Variants in FTH1 observed in about 807,000 individuals in gnomAD.
FTH1 encodes the protein ferritin heavy chain 1.
A neutral mutation model predicts 21.8 loss-of-function variants in FTH1; 3 were observed. The ratio of observed to expected loss-of-function variants is 0.14; its 90% CI spans 0.06 to 0.36. The LOEUF is 0.36. FTH1 is among the 10% of genes least tolerant of loss of function. FTH1 has a pLI of 1.00. For missense variants in FTH1, 147 were observed against 225.8 expected (o/e 0.65, Z 2.24); for synonymous variants, 83 against 90.1 (o/e 0.92, Z 0.45).
intron 2 of FTH1, 92 bp from the exon 3 acceptor site, chr11:61,965,204 A>G: frequency 6.3e-7 from 1 of 1,593,666 alleles, no homozygotes; most frequent in East Asian, 2.2e-5. Context: ...CAAAAGGGAC[A>G]TTACTATTTG....
At chr11:61,967,153 C>A in intron 1 of FTH1, 159 bp downstream of exon 1, 1 of 446,708 alleles carries the variant, frequency 2.2e-6, no homozygotes, top group Non-Finnish European at 3.9e-6. Flanking sequence ...CGACTTTCTG[C>A]GCCAGAGAAG....
rs1254759405 is a variant in FTH1, at chr11:61,964,671, A to G, written c.*56T>C. ...GTAAAGGAAACCCCAACATGCATGCACTGCCTTGGTGACCAGGGAAGTCAC... is the reference window on the plus strand; with the variant it reads ...GTAAAGGAAACCCCAACATGCATGCGCTGCCTTGGTGACCAGGGAAGTCAC... On this transcript the variant is annotated 3_prime_UTR_variant, in exon 4 of 4. Transcript: ENST00000273550. 1.9e-6 allele frequency: 3 copies of G among 1,572,130 alleles called. No individual in the cohort carries two copies. Among genetic ancestry groups the G allele is most frequent in the African/African-American group, 1.3e-5 (1 of 74,416 alleles).
rs1402047997 is a variant in FTH1 at position 61,967,329 on chromosome 11, A to G, written c.97T>C (p.Tyr33His). The G allele has an allele frequency of 6.2e-7, 1 of 1,602,996 alleles. No homozygotes were observed. The highest frequency in any genetic ancestry group is 1.3e-5 in the African/African-American group (1 of 74,460). The change falls in exon 1 of 4, where the codon TAC (tyrosine) becomes CAC (histidine). Residue 33 changes from tyrosine (Y) to histidine (H), a missense_variant. Transcript: ENST00000273550. ...RQINLELYAS[Y>H]VYLSMSYYFD... ...GCGCTCACCATGGACAGGTAAACGT[A>G]GGAGGCGTAGAGCTCCAGGTTGATC...
rs1436670021 is a variant in FTH1, at chr11:61,964,381, C to G, written c.*346G>C. The G allele has an allele frequency of 1.4e-6, 1 of 708,772 alleles. No individual in the cohort carries two copies. Among genetic ancestry groups the G allele is most frequent in the East Asian group, 2.7e-5 (1 of 36,674 alleles). The allele number at this position is 708,772 out of a possible 1,614,324, so 43.9% of individuals were successfully genotyped here. On this transcript the variant is annotated 3_prime_UTR_variant, in exon 4 of 4. Transcript: ENST00000273550. Reference sequence around the variant, plus strand: ...GACTCTGGATTCAGAGTCGGGAACCCTTAGTTCTATCTGAATCCAAGACAG... The same window carrying G: ...GACTCTGGATTCAGAGTCGGGAACCGTTAGTTCTATCTGAATCCAAGACAG...
intron 1 of FTH1, chr11:61,967,064 A>T (rs955867858): frequency 9.8e-6 from 3 of 307,156 alleles, no homozygotes; most frequent in Middle Eastern, 9.0e-4. Flanking sequence ...AGGTCTCCTT[A>T]AAAAAGAAGG....
chr11:61,965,655 A>G (rs1942438388), intron 1 of FTH1, 140 bp from the exon 2 acceptor site: 1 of 862,350 alleles, frequency 1.2e-6, no homozygotes, highest in Admixed American at 1.9e-5. Context: ...GTGCCTAAGG[A>G]GACTGGGGGG....
At chr11:61,965,799 A>C (rs1469388790) in intron 1 of FTH1, among the ~76,000 whole-genome samples, 1 of 152,154 alleles carries the variant, frequency 6.6e-6, no homozygotes, top group Admixed American at 6.5e-5. Flanking sequence ...TGTCTTAAGG[A>C]TCTGTATTAC....
chr11:61,965,447 A>C lies in FTH1; in HGVS notation c.183T>G (p.His61Gln). The part of the protein sequence containing the change: ...NFAKYFLHQS[H>Q]EEREHAEKLM... ...GTTTCTCAGCATGTTCCCTCTCCTC[A>C]TGAGATTGGTGAAGAAAGTATTTGG... The change falls in exon 2 of 4, where the codon CAT becomes CAG. Residue 61 changes from histidine to glutamine, a missense_variant. Transcript: ENST00000273550. 4 of 1,612,090 alleles carry C rather than the reference A, an allele frequency of 2.5e-6. No homozygotes were observed. The highest frequency in any genetic ancestry group is 3.4e-6 in the Non-Finnish European group (4 of 1,180,000).
chr11:61,967,037 A>G (rs1332207820), intron 1 of FTH1: 2 of 261,820 alleles, frequency 7.6e-6, no homozygotes, highest in Admixed American at 1.1e-4. Flanking sequence ...TTGCAACCCC[A>G]GGATTTCAGG....
chr11:61,967,320 G>A lies in FTH1; in HGVS notation c.106C>T (p.Leu36=), dbSNP rs1423204012. 5.0e-6 allele frequency: 8 copies of A among 1,598,820 alleles called. No individual in the cohort carries two copies. The highest frequency in any genetic ancestry group is 1.3e-5 in the African/African-American group (1 of 74,228). ...GGCCCGCCCGCGCTCACCATGGACA[G>A]GTAAACGTAGGAGGCGTAGAGCTCC... The part of the protein sequence containing the change: ...NLELYASYVY[L]SMSYYFDRDD... Residue 36 remains leucine (L), a synonymous_variant, in exon 1 of 4, where the codon CTG becomes TTG. Transcript: ENST00000273550.
rs1942492047 is a variant in FTH1, at chr11:61,967,632, G to A, written c.-207C>T. ...CGACGACTCTCGGCGAAGAACGTCT[G>A]GCCCTGCGGGTCGCTTGTGGTCTCT... is the stretch of plus-strand genomic sequence containing the variant. On this transcript the variant is annotated 5_prime_UTR_variant, in exon 1 of 4. Transcript: ENST00000273550. 3.4e-6 allele frequency: 2 copies of A among 593,874 alleles called. No individual in the cohort carries two copies. Among genetic ancestry groups the A allele is most frequent in the Admixed American group, 2.4e-5 (1 of 41,668 alleles). The allele number at this position is 593,874 out of a possible 1,614,324, so 36.8% of individuals were successfully genotyped here. A position where few individuals can be genotyped will look rare whatever the true frequency, so the allele number is the denominator to read the frequency against.
At position 61,964,659 on chromosome 11, in the gene FTH1, C is replaced by G. The variant is rs1197549002; in HGVS notation, c.*68G>C. The G allele has an allele frequency of 6.6e-7, 1 of 1,518,576 alleles. No individual in the cohort carries two copies. The highest frequency in any genetic ancestry group is 2.2e-5 in the East Asian group (1 of 44,452). The allele number at this position is 1,518,576 out of a possible 1,614,324, so 94.1% of individuals were successfully genotyped here. On this transcript the variant is annotated 3_prime_UTR_variant, in exon 4 of 4. Coordinates refer to ENST00000273550, the MANE Select transcript of FTH1 (RefSeq NM_002032.3). The stretch of plus-strand genomic sequence containing the variant: ...CTTATAGAAAAGGTAAAGGAAACCC[C>G]AACATGCATGCACTGCCTTGGTGAC...
At position 61,965,361 on chromosome 11, in the gene FTH1, T is replaced by C. The variant is rs1942429502; in HGVS notation, c.261+8A>G. 1 of 1,612,682 alleles carries C rather than the reference T, an allele frequency of 6.2e-7. No individual in the cohort carries two copies. Among genetic ancestry groups the C allele is most frequent in the Non-Finnish European group, 8.5e-7 (1 of 1,179,976 alleles). On this transcript the variant is annotated splice_region_variant and intron_variant, in intron 2 of 3. Coordinates refer to ENST00000273550, the MANE Select transcript of FTH1 (RefSeq NM_002032.3). ...TGAAGTATGACACCCCTAGGATCTT[T>C]TGTTCACCTTGATATCCTGAAGGAA...
Position 61,964,672 on chromosome 11 carries a change from C to T in FTH1, c.*55G>A, listed in dbSNP as rs1261333612. Reference sequence around the variant, plus strand: ...TAAAGGAAACCCCAACATGCATGCACTGCCTTGGTGACCAGGGAAGTCACC... The same window carrying T: ...TAAAGGAAACCCCAACATGCATGCATTGCCTTGGTGACCAGGGAAGTCACC... On this transcript the variant is annotated 3_prime_UTR_variant, in exon 4 of 4. Transcript: ENST00000273550. The T allele has an allele frequency of 6.3e-7, 1 of 1,578,478 alleles. No individual in the cohort carries two copies. The highest frequency in any genetic ancestry group is 8.6e-7 in the Non-Finnish European group (1 of 1,162,512).
At chr11:61,966,692 A>T (rs1942468770) in intron 1 of FTH1, among the ~76,000 whole-genome samples, 1 of 152,234 alleles carries the variant, frequency 6.6e-6, no homozygotes. Flanking sequence ...TAGGTCCCCT[A>T]GGCGCAAGGT....
At chr11:61,967,278 GC>G in intron 1 of FTH1, 33 bp downstream of exon 1, 3 of 1,419,420 alleles carry the variant, frequency 2.1e-6, no homozygotes, top group Admixed American at 2.2e-5. Context: ...ACCGCGCCCG[GC>G]CCCCGCCACC....
At chr11:61,967,243 G>C in intron 1 of FTH1, 69 bp downstream of exon 1, 1 of 990,424 alleles carries the variant, frequency 1.0e-6, no homozygotes, top group Admixed American at 3.0e-5. Context: ...CACACCCCCG[G>C]CCCGCCCCAG....
Position 61,967,313 on chromosome 11 carries a change from A to C in FTH1, c.113T>G (p.Met38Arg). ...ELYASYVYLS[M>R]SYYFDRDDVA... ...CCGCTTAGGCCCGCCCGCGCTCACC[A>C]TGGACAGGTAAACGTAGGAGGCGTA... The change falls in exon 1 of 4, where the codon ATG becomes AGG. Residue 38 changes from methionine to arginine, a missense_variant and splice_region_variant. Transcript: ENST00000273550. 6.3e-7 allele frequency: 1 copy of C among 1,589,440 alleles called. No homozygotes were observed. Among genetic ancestry groups the C allele is most frequent in the Non-Finnish European group, 8.6e-7 (1 of 1,165,930 alleles).
chr11:61,965,989 AC>A, intron 1 of FTH1, among the ~76,000 whole-genome samples: 1 of 151,784 alleles, frequency 6.6e-6, no homozygotes, highest in South Asian at 2.1e-4. Flanking sequence ...AAAATTAAAA[AC>A]CCCTGCTGGG....
Sources: allele counts gnomAD v4.1 joint callset (sites outside exome capture counted in the v4.1 genomes callset), GRCh38; gene constraint gnomAD v4.1.1; transcripts MANE v1.5; gene names NCBI Gene and HGNC (gene_info 2026-07-23, HGNC 2026-07-21).